The following SHOX variants were observed in gnomAD, a reference collection of about 807,000 sequenced individuals.
The protein encoded by SHOX is SHOX homeobox, also known as short stature homeobox protein.
SHOX carries 12 observed loss-of-function variants against 29.6 expected under a neutral mutation model. That is an observed-to-expected ratio of 0.41 (90% CI 0.26 to 0.66). The LOEUF (loss-of-function observed/expected upper bound fraction) is 0.66, where lower values mean the gene tolerates loss of function less well. SHOX is among the 30% of genes least tolerant of loss of function. The pLI, the probability that SHOX is intolerant of heterozygous loss-of-function variation, is 0.35. For missense variants in SHOX, 499 were observed against 437.7 expected (o/e 1.14, Z -1.25); for synonymous variants, 214 against 200.6 (o/e 1.07, Z -0.57).
chrX:638,328 T>C (rs1226140801), intron 2 of SHOX, among the ~76,000 whole-genome samples: 2 of 152,124 alleles, frequency 1.3e-5, no homozygotes, highest in African/African-American at 4.8e-5. Flanking sequence ...GGATTTTCTT[T>C]TTTGAAAAAT....
chrX:625,078 T>TCC (rs2052495786), intron 1 of SHOX, among the ~76,000 whole-genome samples: 1 of 106,144 alleles, frequency 9.4e-6, no homozygotes, highest in African/African-American at 3.8e-5. Context: ...TCCCTCCTTC[T>TCC]CTCCCTCCCT....
upstream of SHOX, among the ~76,000 whole-genome samples, chrX:628,513 C>T (rs185031097): frequency 0.042 from 3,877 of 92,646 alleles, no homozygotes; most frequent in South Asian, 0.13. Flanking sequence ...CTGTCTCTCC[C>T]TGTCTGTTTC....
upstream of SHOX, among the ~76,000 whole-genome samples, chrX:627,272 G>C (rs28603143): frequency 6.6e-6 from 1 of 151,994 alleles, no homozygotes; most frequent in African/African-American, 2.4e-5. Context: ...GTCTTGAATT[G>C]GCAACGAAAA....
chrX:657,881 G>T (rs1004768032), intron 5 of SHOX, among the ~76,000 whole-genome samples: 1 of 152,178 alleles, frequency 6.6e-6, no homozygotes, highest in African/African-American at 2.4e-5. Context: ...GGAAGGGGCA[G>T]ATGGAAATGA....
chrX:659,388 C>G lies in SHOX; in HGVS notation c.*559C>G, dbSNP rs1314964234. ...AAGCATGAACCACTGCCCGTGGTCT[C>G]CAAAAAAAGGACTGTTACGTGGATG... On this transcript the variant is annotated 3_prime_UTR_variant, in exon 6 of 6. Transcript: ENST00000334060. 2.0e-5 allele frequency: 3 copies of G among 152,026 alleles called. No homozygotes were observed. In the East Asian group the frequency reaches 5.8e-4, roughly 29 times the overall value. 9.4% of individuals were successfully genotyped at this position (152,026 alleles called of 1,614,324 possible).
chrX:626,982 C>G (rs1021151016), upstream of SHOX, among the ~76,000 whole-genome samples: 1 of 150,924 alleles, frequency 6.6e-6, no homozygotes, highest in Non-Finnish European at 1.5e-5. Flanking sequence ...CTACCTCTGT[C>G]TCTCTCTCTC....
Position 644,700 on chromosome X carries a change from G to T in SHOX, c.*64G>T. 7.3e-7 allele frequency: 1 copy of T among 1,362,056 alleles called. No homozygotes were observed. 84.4% of individuals were successfully genotyped at this position (1,362,056 alleles called of 1,614,324 possible). A position where few individuals can be genotyped will look rare whatever the true frequency, so the allele number is the denominator to read the frequency against. On this transcript the variant is annotated 3_prime_UTR_variant, in exon 5 of 5. Transcript: ENST00000686671. ...TCCGCGCACCCCGCCTGCACCGCGC[G>T]TCCTGCACTCAACCCCGCCTGGAGC... is the stretch of plus-strand genomic sequence containing the variant.
intron 4 of SHOX, among the ~76,000 whole-genome samples, chrX:643,594 G>A (rs1455184262): frequency 7.2e-6 from 1 of 138,804 alleles, no homozygotes; most frequent in Non-Finnish European, 1.5e-5. Flanking sequence ...CCCGGGAGAG[G>A]CTTGGGGACC....
At chrX:630,491 G>A (rs759928739), upstream of SHOX, 6 of 284,942 alleles carry the variant, frequency 2.1e-5, no homozygotes, top group Admixed American at 2.4e-4. Flanking sequence ...CTTTTCCTCC[G>A]GCCACGGAGA....
At position 634,604 on chromosome X, in the gene SHOX, C is replaced by T. The variant is rs1469044899; in HGVS notation, c.278-14C>T. ...TCCCCGGCCTCAGCCCTGTGCCCTC[C>T]GCTCCCCACGCAGGGATTTATGAAT... On this transcript the variant is annotated splice_polypyrimidine_tract_variant and intron_variant, in intron 1 of 4. Transcript: ENST00000686671. 6.2e-7 allele frequency: 1 copy of T among 1,612,820 alleles called. No homozygotes were observed. Among genetic ancestry groups the T allele is most frequent in the Admixed American group, 1.7e-5 (1 of 59,972 alleles).
At chrX:625,186 T>C (rs908109431) in intron 1 of SHOX, among the ~76,000 whole-genome samples, 4 of 123,202 alleles carry the variant, frequency 3.2e-5, no homozygotes, top group African/African-American at 1.2e-4. Context: ...CCCTTCATCG[T>C]CCCTCCTCCT....
At chrX:633,453 T>G (rs2052683647) in intron 1 of SHOX, among the ~76,000 whole-genome samples, 1 of 137,736 alleles carries the variant, frequency 7.3e-6, no homozygotes, top group African/African-American at 2.8e-5. Flanking sequence ...CACGTTGGAG[T>G]AAGCGTCCAG....
Position 648,994 on chromosome X carries a change from C to G in SHOX, c.*4358C>G, listed in dbSNP as rs2053009903. Among the ~76,000 whole-genome samples, 1 of 139,116 alleles carries G rather than the reference C, an allele frequency of 7.2e-6. No homozygotes were observed. Among genetic ancestry groups the G allele is most frequent in the Admixed American group, 7.5e-5 (1 of 13,408 alleles). The allele number at this position is 139,116 out of a possible 152,430, so 91.3% of individuals were successfully genotyped here. On this transcript the variant is annotated 3_prime_UTR_variant, in exon 5 of 5. Coordinates refer to ENST00000686671, the MANE Select transcript of SHOX (RefSeq NM_000451.4). ...TTTATCTTTCTCTCTTTTTCTTTCT[C>G]TTTTCCTTTTTTGTTTCTTTCTTTC...
downstream of SHOX, among the ~76,000 whole-genome samples, chrX:654,636 T>G (rs973023713): frequency 4.6e-4 from 70 of 152,306 alleles, no homozygotes; most frequent in African/African-American, 1.6e-3. Flanking sequence ...GGCATGGTGG[T>G]GCTCTCCTAC....
chrX:652,087 GC>G (rs1867331533), downstream of SHOX, among the ~76,000 whole-genome samples: 1 of 151,918 alleles, frequency 6.6e-6, no homozygotes, highest in South Asian at 2.1e-4. Context: ...ACCGCGCCCG[GC>G]TCATTTTTGT....
chrX:654,788 G>T (rs1354251088), downstream of SHOX, among the ~76,000 whole-genome samples: 1 of 151,666 alleles, frequency 6.6e-6, no homozygotes, highest in African/African-American at 2.4e-5. Flanking sequence ...GGGTTCAAGC[G>T]ATTTTCCTGC....
At position 630,867 on chromosome X, in the gene SHOX, C is replaced by A. The variant is rs746800766; in HGVS notation, c.-31C>A. On this transcript the variant is annotated 5_prime_UTR_variant, in exon 1 of 5. Coordinates refer to ENST00000686671, the MANE Select transcript of SHOX (RefSeq NM_000451.4). ...GCGGGGAGACGCGCGCATCCACCAG[C>A]CCCGGCTGCTCGCCAGCCCCGGCCC... 2.5e-6 allele frequency: 4 copies of A among 1,611,852 alleles called. No homozygotes were observed. Among genetic ancestry groups the A allele is most frequent in the Non-Finnish European group, 3.4e-6 (4 of 1,179,634 alleles).
intron 2 of SHOX, among the ~76,000 whole-genome samples, chrX:640,572 T>A (rs2052835953): frequency 6.6e-6 from 1 of 152,026 alleles, no homozygotes; most frequent in Non-Finnish European, 1.5e-5. Context: ...CGAGACTTGA[T>A]TTCAGAACCA....
intron 2 of SHOX, among the ~76,000 whole-genome samples, chrX:636,672 CATATATAAACATATATATACATAAAATAT>C (rs1252588088): frequency 0.099 from 2,567 of 25,994 alleles, 649 homozygotes; most frequent in South Asian, 0.25. Flanking sequence ...ATAAAATATA[CATATATAAACATATATATACATAAAATAT>C]ATATATAAAC....
Sources: gnomAD v4.1 joint callset for allele counts (sites outside exome capture counted in the v4.1 genomes callset) on GRCh38, gnomAD v4.1.1 for gene constraint, MANE v1.5 for transcripts, NCBI Gene and HGNC (gene_info 2026-07-23, HGNC 2026-07-21) for gene names.